The following JAG2 variants were observed in gnomAD, a reference collection of about 807,000 sequenced individuals.
JAG2 encodes jagged canonical Notch ligand 2.
JAG2 carries 46 observed loss-of-function variants against 141.7 expected under a neutral mutation model. The ratio of observed to expected loss-of-function variants is 0.32; its 90% CI spans 0.26 to 0.42. The LOEUF (loss-of-function observed/expected upper bound fraction) is 0.42. JAG2 is among the 10% of genes least tolerant of loss of function. JAG2 has a pLI of 1.00. For synonymous variants in JAG2, 862 were observed against 763.5 expected (o/e 1.13, Z -2.13); for missense variants, 1,500 against 1,817.5 (o/e 0.83, Z 3.18).
rs1484198188 is a variant in JAG2, at chr14:105,142,981, T to A, written c.3431A>T (p.His1144Leu). The change falls in exon 26 of 26, where the codon CAC (histidine) becomes CTC (leucine). Residue 1144 changes from histidine to leucine, a missense_variant. His to Leu is a moderately conservative substitution (Grantham distance 99). Around this residue, in one of 3 missense-constraint regions of JAG2, gnomAD observed 425 missense variants for 441.0 expected, o/e 0.96. Transcript: ENST00000331782. ...IRNPIERPGGHKDVLYQCKNF... is the reference protein window; with the variant it reads ...IRNPIERPGGLKDVLYQCKNF... Reference sequence around the variant, plus strand: ...CTTGCACTGGTAGAGCACGTCCTTGTGGCCCCCCGGCCGCTCAATGGGGTT... The same window carrying A: ...CTTGCACTGGTAGAGCACGTCCTTGAGGCCCCCCGGCCGCTCAATGGGGTT... 6.2e-7 allele frequency: 1 copy of A among 1,609,832 alleles called. No individual in the cohort carries two copies. Among genetic ancestry groups the A allele is most frequent in the Non-Finnish European group, 8.5e-7 (1 of 1,179,258 alleles).
At chr14:105,162,155 G>C (rs1277823658) in intron 2 of JAG2, among the ~76,000 whole-genome samples, 1 of 152,104 alleles carries the variant, frequency 6.6e-6, no homozygotes, top group East Asian at 1.9e-4. Context: ...AGCAGGGAGA[G>C]GAACCCAGGC....
At chr14:105,147,974 G>T (rs1226132196) in intron 17 of JAG2, 86 bp from the exon 18 acceptor site, 6 of 1,231,200 alleles carry the variant, frequency 4.9e-6, no homozygotes, top group Admixed American at 2.0e-5. Flanking sequence ...CCCAGACAGG[G>T]CAGACAGACC....
chr14:105,149,200 G>A lies in JAG2; in HGVS notation c.1723C>T (p.Arg575Cys), dbSNP rs1375288713. Residue 575 changes from arginine to cysteine, a missense_variant, in exon 13 of 26, where the codon CGC becomes TGC. Coordinates refer to ENST00000331782, the MANE Select transcript of JAG2 (RefSeq NM_002226.5). ...DFGGKNCSVP[R>C]EPCPGGACRV... ...CAGGCCCCGCCAGGGCACGGCTCGC[G>A]GGGCACGGAGCAGTTCTTGCCACCA... is the stretch of plus-strand genomic sequence containing the variant. 14 of 1,584,140 alleles carry A rather than the reference G, an allele frequency of 8.8e-6. No homozygotes were observed. The highest frequency in any genetic ancestry group is 2.3e-5 in the East Asian group (1 of 42,792).
chr14:105,147,613 G>A, intron 18 of JAG2, 86 bp from the exon 19 acceptor site: 2 of 1,399,418 alleles, frequency 1.4e-6, no homozygotes, highest in Admixed American at 3.4e-5. Context: ...GCGTGATCAG[G>A]CTGTGGGGCT....
intron 24 of JAG2, 74 bp from the exon 25 acceptor site, chr14:105,143,712 G>A: frequency 6.4e-7 from 1 of 1,566,332 alleles, no homozygotes; most frequent in South Asian, 1.1e-5. Context: ...CAACACTGAG[G>A]CCCTGGCCAC....
rs1316693421 is a variant in JAG2 at position 105,145,056 on chromosome 14, G to A, written c.2958C>T (p.Thr986=). The part of the protein sequence containing the change: ...HFNRDHVPQG[T]TVGAICSGIR... ...TCCCGGAGCAAATGGCGCCCACCGT[G>A]GTGCCCTGGGCAGAGACAGGCAGTG... Residue 986 remains threonine (T), a synonymous_variant, in exon 24 of 26, where the codon ACC becomes ACT. Coordinates refer to ENST00000331782, the MANE Select transcript of JAG2 (RefSeq NM_002226.5). 1 of 1,609,940 alleles carries A rather than the reference G, an allele frequency of 6.2e-7. No individual in the cohort carries two copies. Among genetic ancestry groups the A allele is most frequent in the Non-Finnish European group, 8.5e-7 (1 of 1,179,752 alleles).
rs775207792 is a variant in JAG2 at position 105,143,174 on chromosome 14, G to A, written c.3242-4C>T. ...CACAGCACAGGCACCAGCAGACCTGGGGACCGGGGAGAAGAGCCGGTGGGC... is the reference window on the plus strand; with the variant it reads ...CACAGCACAGGCACCAGCAGACCTGAGGACCGGGGAGAAGAGCCGGTGGGC... On this transcript the variant is annotated splice_polypyrimidine_tract_variant and splice_region_variant and intron_variant, in intron 25 of 25. Coordinates refer to ENST00000331782, the MANE Select transcript of JAG2 (RefSeq NM_002226.5). 13 of 1,597,078 alleles carry A rather than the reference G, an allele frequency of 8.1e-6. No individual in the cohort carries two copies. The East Asian group carries it at 2.0e-4, about 25-fold the overall frequency.
At chr14:105,144,354 C>T (rs3115645) in intron 24 of JAG2, among the ~76,000 whole-genome samples, 4 of 152,158 alleles carry the variant, frequency 2.6e-5, no homozygotes, top group African/African-American at 9.7e-5. Flanking sequence ...CCATCCATGT[C>T]CCCCACCCCC....
chr14:105,161,209 G>C (rs1286925114), intron 2 of JAG2, among the ~76,000 whole-genome samples: 1 of 151,086 alleles, frequency 6.6e-6, no homozygotes, highest in African/African-American at 2.4e-5. Flanking sequence ...TTGGGGGTCT[G>C]AGTGAGGTCT....
In JAG2 at chr14:105,150,794, G is replaced by A. The variant is rs1251000352; in HGVS notation, c.1429-17C>T. ...CACCAGGTCCTGGGCGGGCCAGCCA[G>A]GTGAGCGTCCCGCAGGCACCCTGAC... On this transcript the variant is annotated splice_polypyrimidine_tract_variant and intron_variant, in intron 11 of 25. Coordinates refer to ENST00000331782, the MANE Select transcript of JAG2 (RefSeq NM_002226.5). 2 of 1,581,610 alleles carry A rather than the reference G, an allele frequency of 1.3e-6. No homozygotes were observed. The highest frequency in any genetic ancestry group is 3.6e-5 in the Admixed American group (2 of 55,140).
rs949290753 is a variant in JAG2 at position 105,168,129 on chromosome 14, A to T, written c.67-22T>A. 4 of 1,494,092 alleles carry T rather than the reference A, an allele frequency of 2.7e-6. No homozygotes were observed. In the African/African-American group the frequency reaches 4.4e-5, roughly 16 times the overall value. 92.6% of individuals were successfully genotyped at this position (1,494,092 alleles called of 1,614,324 possible). ...CCGCCTAAAAATAAGGCAGCGGGAG[A>T]GCGGAGGGAGGCGCGGGCCGGGGTC... On this transcript the variant is annotated intron_variant, in intron 1 of 25. Coordinates refer to ENST00000331782, the MANE Select transcript of JAG2 (RefSeq NM_002226.5).
chr14:105,155,292 G>C (rs190523182), intron 5 of JAG2, among the ~76,000 whole-genome samples: 418 of 152,070 alleles, frequency 2.7e-3, no homozygotes, highest in Non-Finnish European at 4.6e-3. Context: ...TGCAGCCTCC[G>C]GGTCTCTGCC....
intron 2 of JAG2, among the ~76,000 whole-genome samples, chr14:105,165,247 C>T (rs993778532): frequency 1.3e-5 from 2 of 152,188 alleles, no homozygotes; most frequent in Non-Finnish European, 2.9e-5. Flanking sequence ...CTGCCACCTA[C>T]CAGGCCCCAG....
Position 105,142,875 on chromosome 14 carries a change from C to G in JAG2, c.3537G>C (p.Glu1179Asp), listed in dbSNP as rs750007171. The G allele has an allele frequency of 6.8e-6, 11 of 1,605,872 alleles. No homozygotes were observed. The highest frequency in any genetic ancestry group is 4.5e-5 in the East Asian group (2 of 44,560). Residue 1179 changes from glutamate to aspartate, a missense_variant, in exon 26 of 26, where the codon GAG becomes GAC. Physicochemically the swap from Glu to Asp is conservative, Grantham distance 45. This residue lies in a region of JAG2 where 425 missense variants were observed against 441.0 expected (regional missense o/e 0.96). Coordinates refer to ENST00000331782, the MANE Select transcript of JAG2 (RefSeq NM_002226.5). Reference sequence around the variant, plus strand: ...CCTCACCGCGGCCCAGATCCTCGTCCTCCTCATCCTCCCTGACGGCCGCGT... The same window carrying G: ...CCTCACCGCGGCCCAGATCCTCGTCGTCCTCATCCTCCCTGACGGCCGCGT... ...AGHAAVREDE[E>D]DEDLGRGEED...
intron 20 of JAG2, chr14:105,147,005 C>T (rs1223369407): frequency 1.6e-6 from 1 of 609,000 alleles, no homozygotes; most frequent in Non-Finnish European, 2.9e-6. Context: ...GGGTGCTGGA[C>T]AGACAGCTGG....
Position 105,151,115 on chromosome 14 carries a change from GAC to G in JAG2, c.1268-13_1268-12del. On this transcript the variant is annotated splice_polypyrimidine_tract_variant and intron_variant, in intron 9 of 25. Transcript: ENST00000331782. ...CACACTCATTGGCGTCTGTGAAAGA[GAC>G]AAGGTGGGAGCCGTGGGGCTCGGGC... The G allele has an allele frequency of 6.2e-7, 1 of 1,604,508 alleles. No individual in the cohort carries two copies. The highest frequency in any genetic ancestry group is 1.1e-5 in the South Asian group (1 of 89,420).
At chr14:105,162,031 G>A (rs946593492) in intron 2 of JAG2, among the ~76,000 whole-genome samples, 2 of 152,214 alleles carry the variant, frequency 1.3e-5, no homozygotes, top group South Asian at 4.1e-4. Context: ...TTCTAGGAAC[G>A]GGGCTGGGAC....
In JAG2 at chr14:105,157,596, T is replaced by C. The variant is rs995440543; in HGVS notation, c.475+110A>G. On this transcript the variant is annotated intron_variant, in intron 3 of 25. Transcript: ENST00000331782. ...AAAGCAAAAAGGGAAACAGCACACA[T>C]GATCCTCAGGGTAAAGCAAGGCTTT... 3.7e-5 allele frequency: 40 copies of C among 1,079,428 alleles called. No individual in the cohort carries two copies. The African/African-American group carries it at 5.5e-4, about 15-fold the overall frequency. The allele number at this position is 1,079,428 out of a possible 1,614,324, so 66.9% of individuals were successfully genotyped here.
intron 2 of JAG2, among the ~76,000 whole-genome samples, chr14:105,161,557 C>T (rs956695409): frequency 6.6e-6 from 1 of 152,136 alleles, no homozygotes; most frequent in Non-Finnish European, 1.5e-5. Context: ...GCCCGCCCGC[C>T]GAGAGGGCCT....
Sources: allele counts gnomAD v4.1 joint callset (sites outside exome capture counted in the v4.1 genomes callset), GRCh38; gene constraint gnomAD v4.1.1; regional missense constraint gnomAD v4.1.1; transcripts MANE v1.5; gene names NCBI Gene and HGNC (gene_info 2026-07-23, HGNC 2026-07-21).